PTPRD: variants seen among roughly 807,000 people sequenced by gnomAD.
PTPRD encodes protein tyrosine phosphatase receptor type D.
A neutral mutation model predicts 214.5 loss-of-function variants in PTPRD; 34 were observed. That is an observed-to-expected ratio of 0.16 (90% CI 0.12 to 0.21). PTPRD has a LOEUF of 0.21. Among genes scored for constraint, PTPRD ranks in the 10% least tolerant of loss-of-function variants. The probability of loss-of-function intolerance (pLI) is 1.00; values close to 1 mark genes in which losing one functional copy is unlikely to be tolerated. For missense variants in PTPRD, 2,545 were observed against 2,398.7 expected (o/e 1.06, Z -1.27); for synonymous variants, 1,128 against 845.7 (o/e 1.33, Z -5.79).
chr9:8,945,086 G>A (rs1187541059), intron 11 of PTPRD, among the ~76,000 whole-genome samples: 2 of 151,860 alleles, frequency 1.3e-5, no homozygotes, highest in Non-Finnish European at 1.5e-5. Context: ...TACAAAAAGG[G>A]AAAGAAAACC....
intron 3 of PTPRD, among the ~76,000 whole-genome samples, chr9:10,325,361 C>T (rs1164628900): frequency 6.6e-6 from 1 of 151,950 alleles, no homozygotes; most frequent in East Asian, 1.9e-4. Context: ...AATCCCCATT[C>T]TGGCCATATC....
At position 8,524,970 on chromosome 9, in the gene PTPRD, T is replaced by C; in HGVS notation, c.634A>G (p.Ser212Gly). The C allele has an allele frequency of 1.2e-6, 2 of 1,613,746 alleles. No homozygotes were observed. Among genetic ancestry groups the C allele is most frequent in the South Asian group, 2.2e-5 (2 of 91,078 alleles). The change falls in exon 18 of 46, where the codon AGC becomes GGC. Residue 212 changes from serine to glycine, a missense_variant. Physicochemically the swap from Ser to Gly is moderately conservative, Grantham distance 56. Transcript: ENST00000381196. ...QGKYECVATN[S>G]AGTRYSAPAN... ...GGAGCGGAATAGCGAGTGCCCGCGC[T>C]GTTGGTGGCAACACACTCATATTTT...
chr9:9,747,524 G>A (rs562155532), intron 6 of PTPRD, among the ~76,000 whole-genome samples: 5 of 140,706 alleles, frequency 3.6e-5, no homozygotes, highest in South Asian at 2.3e-4. Flanking sequence ...TATACCTGGT[G>A]ACTGAATCTT....
intron 3 of PTPRD, among the ~76,000 whole-genome samples, chr9:10,050,221 G>C (rs925288330): frequency 6.6e-6 from 1 of 151,788 alleles, no homozygotes; most frequent in African/African-American, 2.4e-5. Flanking sequence ...GCAGTAGGTG[G>C]GGATGTGCTT....
At chr9:8,653,854 A>G (rs1431882080) in intron 12 of PTPRD, among the ~76,000 whole-genome samples, 1 of 152,144 alleles carries the variant, frequency 6.6e-6, no homozygotes, top group Non-Finnish European at 1.5e-5. Flanking sequence ...TTCAAGACCA[A>G]TTGCTTCACT....
chr9:9,305,111 CA>C (rs1416474079), intron 9 of PTPRD, among the ~76,000 whole-genome samples: 3 of 151,376 alleles, frequency 2.0e-5, no homozygotes, highest in African/African-American at 7.3e-5. Flanking sequence ...ACTTGCTTCT[CA>C]TCTTTACCTC....
At chr9:9,979,589 G>A (rs770604389) in intron 4 of PTPRD, among the ~76,000 whole-genome samples, 6 of 152,016 alleles carry the variant, frequency 3.9e-5, no homozygotes, top group Non-Finnish European at 8.8e-5. Flanking sequence ...GTAGAACAAT[G>A]ATCTCAATTG....
At chr9:9,186,114 GA>G (rs1261727407) in intron 9 of PTPRD, among the ~76,000 whole-genome samples, 1 of 151,970 alleles carries the variant, frequency 6.6e-6, no homozygotes, top group Admixed American at 6.6e-5. Context: ...TGGAGATTGA[GA>G]AAAAATAGAT....
chr9:8,684,248 C>A (rs917665081), intron 12 of PTPRD, among the ~76,000 whole-genome samples: 4 of 152,174 alleles, frequency 2.6e-5, no homozygotes, highest in Admixed American at 2.6e-4. Context: ...ACCCAATTCT[C>A]TGCAAAATAA....
intron 12 of PTPRD, among the ~76,000 whole-genome samples, chr9:8,659,412 C>A (rs2096984344): frequency 6.6e-6 from 1 of 152,186 alleles, no homozygotes; most frequent in African/African-American, 2.4e-5. Flanking sequence ...CAAGAGTCCT[C>A]CAGATTCCAA....
chr9:9,850,347 T>C (rs1435981349), intron 5 of PTPRD, among the ~76,000 whole-genome samples: 1 of 152,130 alleles, frequency 6.6e-6, no homozygotes, highest in East Asian at 1.9e-4. Context: ...AGTTAACATG[T>C]AAATGTTTGT....
At chr9:10,266,719 A>G (rs77411943) in intron 3 of PTPRD, among the ~76,000 whole-genome samples, 5,260 of 152,220 alleles carry the variant, frequency 0.035, 143 homozygotes, top group Non-Finnish European at 0.049. Context: ...AAGCGAGAAT[A>G]GCACTGCATT....
chr9:8,330,540 T>TGCAAAGGATGTTTAATAACTCAATAGAAA (rs1839212784), intron 44 of PTPRD, among the ~76,000 whole-genome samples: 1 of 145,690 alleles, frequency 6.9e-6, no homozygotes, highest in Non-Finnish European at 1.5e-5. Context: ...TTGGTTGGTT[T>TGCAAAGGATGTTTAATAACTCAATAGAAA]GCAAAGGATG....
At chr9:9,113,652 G>A (rs550675497) in intron 10 of PTPRD, among the ~76,000 whole-genome samples, 1 of 152,202 alleles carries the variant, frequency 6.6e-6, no homozygotes, top group East Asian at 1.9e-4. Flanking sequence ...TAAAAGCGGT[G>A]TCAATCATAC....
chr9:8,955,795 T>C (rs1394198237), intron 11 of PTPRD, among the ~76,000 whole-genome samples: 1 of 151,816 alleles, frequency 6.6e-6, no homozygotes, highest in Non-Finnish European at 1.5e-5. Context: ...GTAACATATA[T>C]AGTGCTAACT....
chr9:8,891,137 A>ATT (rs761564011), intron 11 of PTPRD, among the ~76,000 whole-genome samples: 4 of 123,616 alleles, frequency 3.2e-5, no homozygotes, highest in African/African-American at 6.3e-5. Context: ...AATTAATCTA[A>ATT]TTTTTTTTTT....
intron 9 of PTPRD, among the ~76,000 whole-genome samples, chr9:9,219,164 T>C (rs919001449): frequency 2.0e-5 from 3 of 152,160 alleles, no homozygotes; most frequent in Admixed American, 6.5e-5. Context: ...ATTGGAAAAA[T>C]AGAATTGTTA....
chr9:9,332,135 T>C (rs1275652004), intron 9 of PTPRD, among the ~76,000 whole-genome samples: 11 of 152,056 alleles, frequency 7.2e-5, no homozygotes, highest in African/African-American at 2.2e-4. Context: ...GATTTCATGC[T>C]AAAAATACCA....
At chr9:8,347,236 A>T (rs1270801289) in intron 39 of PTPRD, among the ~76,000 whole-genome samples, 1 of 152,074 alleles carries the variant, frequency 6.6e-6, no homozygotes, top group Non-Finnish European at 1.5e-5. Flanking sequence ...GTTTTTACAT[A>T]TTTACCAGCA....
Sources: allele counts gnomAD v4.1 joint callset (sites outside exome capture counted in the v4.1 genomes callset), GRCh38; gene constraint gnomAD v4.1.1; transcripts MANE v1.5; gene names NCBI Gene and HGNC (gene_info 2026-07-23, HGNC 2026-07-21).